CNGA3: variants seen among roughly 807,000 people sequenced by gnomAD.
CNGA3 encodes cyclic nucleotide-gated channel alpha-3.
CNGA3 carries 42 observed loss-of-function variants against 46.6 expected under a neutral mutation model. The ratio of observed to expected loss-of-function variants is 0.90; its 90% CI spans 0.70 to 1.17. The LOEUF is 1.17. Among genes scored for constraint, CNGA3 ranks in the 50% most tolerant of loss-of-function variants. The pLI is 0.00. For synonymous variants in CNGA3, 394 were observed against 369.4 expected, an observed-to-expected ratio of 1.07 and a Z score of -0.76; for missense variants, 893 against 890.7, an observed-to-expected ratio of 1.00 and a Z score of -0.03.
intron 7 of CNGA3, among the ~76,000 whole-genome samples, chr2:98,393,509 C>G (rs111911781): frequency 1.3e-5 from 2 of 152,304 alleles, no homozygotes; most frequent in East Asian, 3.9e-4. Flanking sequence ...ACACTGGTGC[C>G]TAGCGTCATA....
intron 6 of CNGA3, among the ~76,000 whole-genome samples, chr2:98,391,117 A>T (rs1692777165): frequency 6.6e-6 from 1 of 152,164 alleles, no homozygotes; most frequent in Non-Finnish European, 1.5e-5. Context: ...CACGTCAGGG[A>T]TGCCATCCAC....
At chr2:98,367,353 C>G (rs1443440158) in intron 1 of CNGA3, among the ~76,000 whole-genome samples, 1 of 151,694 alleles carries the variant, frequency 6.6e-6, no homozygotes, top group Non-Finnish European at 1.5e-5. Context: ...CACCACCACG[C>G]CCGGCTAATT....
intron 1 of CNGA3, among the ~76,000 whole-genome samples, chr2:98,352,370 C>A (rs1369429558): frequency 6.6e-6 from 1 of 152,120 alleles, no homozygotes; most frequent in Non-Finnish European, 1.5e-5. Flanking sequence ...GTTGTGTGGA[C>A]ATGTTTTTAT....
intron 3 of CNGA3, 56 bp downstream of exon 3, chr2:98,377,856 A>G (rs1692444497): frequency 6.6e-7 from 1 of 1,506,282 alleles, no homozygotes. Context: ...TGCAGAAAGA[A>G]GGTAGTGACC....
At chr2:98,354,234 G>GT (rs911125323) in intron 1 of CNGA3, among the ~76,000 whole-genome samples, 9 of 151,876 alleles carry the variant, frequency 5.9e-5, no homozygotes, top group African/African-American at 2.2e-4. Flanking sequence ...TATTGTTTTG[G>GT]TTTTTTTCAA....
At chr2:98,390,701 A>G (rs1305665085) in intron 6 of CNGA3, among the ~76,000 whole-genome samples, 1 of 151,902 alleles carries the variant, frequency 6.6e-6, no homozygotes, top group Non-Finnish European at 1.5e-5. Flanking sequence ...GCAGGCTGCA[A>G]GCTGCAGGAC....
At chr2:98,351,628 T>C (rs1266459557) in intron 1 of CNGA3, among the ~76,000 whole-genome samples, 1 of 152,162 alleles carries the variant, frequency 6.6e-6, no homozygotes, top group African/African-American at 2.4e-5. Context: ...AAGAATAATA[T>C]TTACCTCATA....
At chr2:98,391,280 G>A (rs1042216686) in intron 6 of CNGA3, among the ~76,000 whole-genome samples, 6 of 152,118 alleles carry the variant, frequency 3.9e-5, no homozygotes, top group South Asian at 2.1e-4. Context: ...TCTGGTGCAC[G>A]CGGGCTCTGG....
intron 5 of CNGA3, 101 bp from the exon 6 acceptor site, chr2:98,389,557 C>T: frequency 4.0e-6 from 4 of 1,010,056 alleles, no homozygotes; most frequent in Non-Finnish European, 4.8e-6. Context: ...TGGACAGCCA[C>T]ATCTTGGGCT....
chr2:98,348,580 C>T (rs1691698213), intron 1 of CNGA3, among the ~76,000 whole-genome samples: 1 of 152,206 alleles, frequency 6.6e-6, no homozygotes, highest in Non-Finnish European at 1.5e-5. Context: ...CCCTCATTCC[C>T]ACAGCGTCCT....
chr2:98,378,022 TG>T, intron 3 of CNGA3: 3 of 1,543,634 alleles, frequency 1.9e-6, no homozygotes, highest in African/African-American at 1.4e-5. Context: ...TATCTGAAAT[TG>T]CTTAATAAAA....
rs1692738052 is a variant in CNGA3, at chr2:98,389,689, G to A, written c.481G>A (p.Val161Met). ...KKTKKKDAIVVDPSSNLYYRW... is the reference protein window; with the variant it reads ...KKTKKKDAIVMDPSSNLYYRW... ...GACGAAAAAGAAGGATGCGATCGTG[G>A]TGGACCCGTCCAGCAACCTGTACTA... The change falls in exon 6 of 8, where the codon GTG becomes ATG. Residue 161 changes from valine (V) to methionine (M), a missense_variant. Transcript: ENST00000272602. The A allele has an allele frequency of 6.2e-7, 1 of 1,613,792 alleles. No homozygotes were observed. Among genetic ancestry groups the A allele is most frequent in the African/African-American group, 1.3e-5 (1 of 74,936 alleles).
chr2:98,393,887 C>G (rs987458253), intron 7 of CNGA3, among the ~76,000 whole-genome samples: 4 of 151,822 alleles, frequency 2.6e-5, no homozygotes, highest in African/African-American at 4.8e-5. Flanking sequence ...GATCAAGGCC[C>G]TCAGTAACGC....
intron 4 of CNGA3, among the ~76,000 whole-genome samples, chr2:98,381,949 T>C (rs766507445): frequency 2.6e-5 from 4 of 152,136 alleles, no homozygotes; most frequent in African/African-American, 2.4e-5. Context: ...CTAATTCCTT[T>C]TGGGCAAGCA....
intron 1 of CNGA3, among the ~76,000 whole-genome samples, chr2:98,363,748 A>G (rs1417756464): frequency 2.6e-5 from 4 of 152,154 alleles, no homozygotes; most frequent in African/African-American, 7.2e-5. Context: ...CATTCCTAGT[A>G]CAATACCTAT....
chr2:98,378,826 G>A (rs1198389344), intron 3 of CNGA3, among the ~76,000 whole-genome samples: 2 of 152,240 alleles, frequency 1.3e-5, no homozygotes, highest in South Asian at 2.1e-4. Flanking sequence ...GACCTGGGGA[G>A]GTAGTCACCT....
In CNGA3 at chr2:98,396,005, C is replaced by T; in HGVS notation, c.835C>T (p.Leu279=). ...NYPEVRFNRL[L]KFSRLFEFFD... ...CCCAGAAGTGAGGTTCAACCGCCTA[C>T]TGAAGTTTTCCCGGCTCTTTGAATT... Residue 279 remains leucine, a synonymous_variant, in exon 8 of 8, where the codon CTG becomes TTG. Transcript: ENST00000272602. 1 of 1,614,244 alleles carries T rather than the reference C, an allele frequency of 6.2e-7. No individual in the cohort carries two copies. Among genetic ancestry groups the T allele is most frequent in the Non-Finnish European group, 8.5e-7 (1 of 1,180,042 alleles).
intron 2 of CNGA3, 124 bp from the exon 3 acceptor site, chr2:98,377,563 G>A: frequency 1.1e-6 from 1 of 893,094 alleles, no homozygotes; most frequent in South Asian, 1.4e-5. Context: ...GAGCCCCTGG[G>A]ATGAGGATCT....
At chr2:98,372,872 ACCACCAGCCGAGGCTTACTGAACT>A (rs1692318547) in intron 2 of CNGA3, among the ~76,000 whole-genome samples, 1 of 151,924 alleles carries the variant, frequency 6.6e-6, no homozygotes, top group Non-Finnish European at 1.5e-5. Context: ...TTTCAGCCTG[ACCACCAGCCGAGGCTTACTGAACT>A]CCACTCAGGT....
Sources: gnomAD v4.1 joint callset for allele counts (sites outside exome capture counted in the v4.1 genomes callset) on GRCh38, gnomAD v4.1.1 for gene constraint, MANE v1.5 for transcripts, NCBI Gene and HGNC (gene_info 2026-07-23, HGNC 2026-07-21) for gene names.